PCDH9: variants seen among roughly 807,000 people sequenced by gnomAD.
PCDH9 encodes the protein protocadherin-9.
A neutral mutation model predicts 70.6 loss-of-function variants in PCDH9; 24 were observed. The observed-to-expected ratio is 0.34, with a 90% CI of 0.25 to 0.48. PCDH9 has a LOEUF of 0.48. Among genes scored for constraint, PCDH9 ranks in the 20% least tolerant of loss-of-function variants. The pLI, the probability that PCDH9 is intolerant of heterozygous loss-of-function variation, is 0.99. For synonymous variants in PCDH9, 562 were observed against 558.5 expected, an observed-to-expected ratio of 1.01 and a Z score of -0.09; for missense variants, 1,281 against 1,503.6, an observed-to-expected ratio of 0.85 and a Z score of 2.45.
At chr13:66,828,810 A>AAAT (rs61269805) in intron 3 of PCDH9, among the ~76,000 whole-genome samples, 1,686 of 148,638 alleles carry the variant, frequency 0.011, 17 homozygotes, top group South Asian at 0.021. Context: ...GCCATACATA[A>AAAT]AATAATAATA....
At chr13:66,638,558 T>C (rs2077669826) in intron 3 of PCDH9, among the ~76,000 whole-genome samples, 6 of 152,186 alleles carry the variant, frequency 3.9e-5, no homozygotes, top group Admixed American at 3.9e-4. Context: ...GAATTTTGCA[T>C]GTCTTAATGA....
At chr13:66,454,883 GCGTGAGCCACGCCACCACACC>G (rs1239527703) in intron 4 of PCDH9, among the ~76,000 whole-genome samples, 8 of 152,086 alleles carry the variant, frequency 5.3e-5, no homozygotes, top group Non-Finnish European at 8.8e-5. Context: ...GGGATTACAG[GCGTGAGCCACGCCACCACACC>G]TGGCAAAAAT....
chr13:67,150,710 G>C (rs1048711446), intron 2 of PCDH9, among the ~76,000 whole-genome samples: 1 of 152,114 alleles, frequency 6.6e-6, no homozygotes, highest in African/African-American at 2.4e-5. Context: ...ACATAAACTT[G>C]TTTTAAATTT....
chr13:67,225,137 G>T, intron 2 of PCDH9: 1 of 1,343,218 alleles, frequency 7.4e-7, no homozygotes, highest in Non-Finnish European at 9.5e-7. Context: ...ACATTATCTT[G>T]GGACATTTTG....
Position 67,221,809 on chromosome 13 carries a change from G to T in PCDH9, c.3036+3596C>A, listed in dbSNP as rs141708446. The T allele has an allele frequency of 7.6e-3, 1,153 of 152,164 alleles. 7 individuals are homozygous for T. The highest frequency in any genetic ancestry group is 0.012 in the Non-Finnish European group (794 of 68,004). The allele number at this position is 152,164 out of a possible 1,614,324, so 9.4% of individuals were successfully genotyped here. A position where few individuals can be genotyped will look rare whatever the true frequency, so the allele number is the denominator to read the frequency against. ...TAAAGCCTCCAGCTACAATAAAACA[G>T]CTGTCAATAAGTGGGCTGAGAGTTG... On this transcript the variant is annotated intron_variant, in intron 2 of 4. Transcript: ENST00000377865.
At chr13:66,576,661 C>A (rs2076819411) in intron 4 of PCDH9, among the ~76,000 whole-genome samples, 1 of 152,026 alleles carries the variant, frequency 6.6e-6, no homozygotes, top group Admixed American at 6.6e-5. Flanking sequence ...GGAACTTAAG[C>A]TATTATGGGA....
At position 66,750,617 on chromosome 13, in the gene PCDH9, A is replaced by G. The variant is rs865828205; in HGVS notation, c.3139-119206T>C. ...AAGAGAAATCATAAAAGCATAAATT[A>G]GAATGACAAATGAAAGACTAAATTT... On this transcript the variant is annotated intron_variant, in intron 3 of 4. Coordinates refer to ENST00000377865, the MANE Select transcript of PCDH9 (RefSeq NM_203487.3). 3.9e-5 allele frequency among the ~76,000 whole-genome samples: 6 copies of G among 152,290 alleles called. No homozygotes were observed. The South Asian group carries it at 1.2e-3, about 32-fold the overall frequency.
intron 3 of PCDH9, among the ~76,000 whole-genome samples, chr13:66,764,421 G>A (rs1360957041): frequency 6.6e-6 from 1 of 151,854 alleles, no homozygotes; most frequent in Non-Finnish European, 1.5e-5. Context: ...TAACATTTGC[G>A]TGTAAAACTT....
intron 3 of PCDH9, among the ~76,000 whole-genome samples, chr13:66,675,871 G>A (rs560621138): frequency 6.6e-6 from 1 of 152,070 alleles, no homozygotes; most frequent in African/African-American, 2.4e-5. Context: ...CCAGCTTTTT[G>A]TTCGCAGAAG....
At chr13:66,920,056 A>T (rs552647700) in intron 2 of PCDH9, among the ~76,000 whole-genome samples, 26 of 151,084 alleles carry the variant, frequency 1.7e-4, no homozygotes, top group African/African-American at 6.0e-4. Flanking sequence ...CTCCCCTTAC[A>T]GATACTGTTC....
chr13:66,870,276 A>T (rs957966514), intron 3 of PCDH9, among the ~76,000 whole-genome samples: 1 of 151,928 alleles, frequency 6.6e-6, no homozygotes, highest in African/African-American at 2.4e-5. Flanking sequence ...TGTTCCATTG[A>T]TCTCTATCTC....
chr13:67,065,008 G>C lies in PCDH9; in HGVS notation c.3036+160397C>G, dbSNP rs547418855. 2.6e-5 allele frequency among the ~76,000 whole-genome samples: 4 copies of C among 152,172 alleles called. No homozygotes were observed. The East Asian group carries it at 7.7e-4, about 29-fold the overall frequency. ...AAAAATGGAACCTGAATGAACCTAA[G>C]GGATTATTTGATTTAAGAGAGAATG... On this transcript the variant is annotated intron_variant, in intron 2 of 4. Transcript: ENST00000377865.
chr13:66,517,913 C>T (rs1163495375), intron 4 of PCDH9, among the ~76,000 whole-genome samples: 1 of 151,878 alleles, frequency 6.6e-6, no homozygotes, highest in Non-Finnish European at 1.5e-5. Flanking sequence ...AAAAATATGC[C>T]CCCACATTCT....
At chr13:67,079,971 G>A (rs1594482012) in intron 2 of PCDH9, among the ~76,000 whole-genome samples, 1 of 152,076 alleles carries the variant, frequency 6.6e-6, no homozygotes, top group Admixed American at 6.6e-5. Context: ...CCAGCCCTCT[G>A]CTTTGAGATG....
chr13:67,014,316 G>A (rs1415590432), intron 2 of PCDH9, among the ~76,000 whole-genome samples: 1 of 152,056 alleles, frequency 6.6e-6, no homozygotes, highest in African/African-American at 2.4e-5. Context: ...GCAACAGGTA[G>A]CCCAGGCACA....
chr13:67,015,996 T>G (rs1043514407), intron 2 of PCDH9, among the ~76,000 whole-genome samples: 1 of 152,186 alleles, frequency 6.6e-6, no homozygotes, highest in East Asian at 1.9e-4. Flanking sequence ...TCAACATATA[T>G]TTTAAGAGTG....
At chr13:66,707,960 T>A (rs74681782) in intron 3 of PCDH9, among the ~76,000 whole-genome samples, 2,975 of 152,332 alleles carry the variant, frequency 0.02, 102 homozygotes, top group African/African-American at 0.068. Flanking sequence ...TCTCAGTAGA[T>A]TTCTCTTTAC....
At chr13:66,948,551 T>A (rs1413336204) in intron 2 of PCDH9, among the ~76,000 whole-genome samples, 2 of 151,560 alleles carry the variant, frequency 1.3e-5, no homozygotes, top group Non-Finnish European at 2.9e-5. Flanking sequence ...AAAATAAGTA[T>A]GGCACTGAAA....
intron 4 of PCDH9, among the ~76,000 whole-genome samples, chr13:66,344,164 T>G (rs549639453): frequency 1.2e-4 from 19 of 152,220 alleles, no homozygotes; most frequent in African/African-American, 4.3e-4. Context: ...GTTTTTGAGG[T>G]GGAGTTTTGC....
Sources: gnomAD v4.1 joint callset for allele counts (sites outside exome capture counted in the v4.1 genomes callset) on GRCh38, gnomAD v4.1.1 for gene constraint, MANE v1.5 for transcripts, NCBI Gene and HGNC (gene_info 2026-07-23, HGNC 2026-07-21) for gene names.